The following AFF2 variants were observed in gnomAD, a reference collection of about 807,000 sequenced individuals.
AFF2 encodes the protein AF4/FMR2 family member 2.
AFF2 carries 14 observed loss-of-function variants against 76.9 expected under a neutral mutation model. The ratio of observed to expected loss-of-function variants is 0.18; its 90% CI spans 0.12 to 0.28. The LOEUF (loss-of-function observed/expected upper bound fraction) is 0.28. Ranked by LOEUF, AFF2 falls within the 10% of genes least tolerant of loss-of-function variation. The probability of loss-of-function intolerance (pLI) is 1.00; values close to 1 mark genes in which losing one functional copy is unlikely to be tolerated. For synonymous variants in AFF2, 398 were observed against 366.7 expected, an observed-to-expected ratio of 1.09 and a Z score of -0.98; for missense variants, 868 against 1,001.1, an observed-to-expected ratio of 0.87 and a Z score of 1.79.
chrX:148,740,705 G>C (rs2055340026), intron 3 of AFF2, among the ~76,000 whole-genome samples: 2 of 111,715 alleles, frequency 1.8e-5, no homozygotes, highest in South Asian at 7.5e-4. Flanking sequence ...TTTGATATTT[G>C]GGGGTGTTGA....
At chrX:148,689,245 G>T (rs1281141897) in intron 3 of AFF2, among the ~76,000 whole-genome samples, 1 of 111,156 alleles carries the variant, frequency 9.0e-6, no homozygotes, top group African/African-American at 3.3e-5. Flanking sequence ...GGCCCACTCT[G>T]ATTACCTTGT....
At chrX:148,774,433 A>T (rs1471755790) in intron 3 of AFF2, among the ~76,000 whole-genome samples, 1 of 111,273 alleles carries the variant, frequency 9.0e-6, no homozygotes, top group East Asian at 2.9e-4. Context: ...CACCCTATAG[A>T]TTCATACTGG....
chrX:148,667,308 G>A (rs1246657788), intron 3 of AFF2, among the ~76,000 whole-genome samples: 1 of 112,163 alleles, frequency 8.9e-6, no homozygotes, highest in East Asian at 2.8e-4. Flanking sequence ...GAGTTAGATA[G>A]TAAACTCAGG....
intron 7 of AFF2, among the ~76,000 whole-genome samples, chrX:148,861,159 T>A (rs1044334138): frequency 8.9e-6 from 1 of 111,762 alleles, no homozygotes; most frequent in African/African-American, 3.2e-5. Flanking sequence ...ATCTTCTAAT[T>A]GAAAATTGCG....
At chrX:148,647,734 G>C (rs1415960464) in intron 1 of AFF2, among the ~76,000 whole-genome samples, 1 of 111,262 alleles carries the variant, frequency 9.0e-6, no homozygotes, top group African/African-American at 3.3e-5. Flanking sequence ...CTGAGTTCCA[G>C]CCTCCTAGTT....
chrX:148,619,126 A>C (rs1480815530), intron 1 of AFF2, among the ~76,000 whole-genome samples: 1 of 111,355 alleles, frequency 9.0e-6, no homozygotes, highest in African/African-American at 3.3e-5. Flanking sequence ...AATCCCTCAA[A>C]CTGGCAGTTT....
chrX:148,834,421 GTC>G (rs2070494637), intron 4 of AFF2, among the ~76,000 whole-genome samples: 1 of 110,599 alleles, frequency 9.0e-6, no homozygotes, highest in Non-Finnish European at 1.9e-5. Flanking sequence ...CCTGCTTTCT[GTC>G]TCTCTCTGTC....
At chrX:148,673,487 CTCT>C (rs1378431492) in intron 3 of AFF2, among the ~76,000 whole-genome samples, 1 of 111,753 alleles carries the variant, frequency 8.9e-6, no homozygotes, top group Non-Finnish European at 1.9e-5. Flanking sequence ...TCTCTGTGTC[CTCT>C]TCTTCTAAGG....
intron 7 of AFF2, among the ~76,000 whole-genome samples, chrX:148,859,145 G>T (rs1156711876): frequency 9.5e-6 from 1 of 104,871 alleles, no homozygotes; most frequent in Non-Finnish European, 1.9e-5. Context: ...GAAAAAAATT[G>T]ATATGTAATG....
intron 1 of AFF2, among the ~76,000 whole-genome samples, chrX:148,530,849 A>C (rs1317176528): frequency 8.9e-6 from 1 of 111,870 alleles, no homozygotes; most frequent in East Asian, 2.8e-4. Flanking sequence ...TTGAAAGCTT[A>C]AGACCATCCT....
chrX:148,755,153 C>T (rs968968031), intron 3 of AFF2, among the ~76,000 whole-genome samples: 1 of 111,585 alleles, frequency 9.0e-6, no homozygotes, highest in Admixed American at 9.5e-5. Context: ...GCACTTATAC[C>T]AGAAACTCCC....
intron 15 of AFF2, among the ~76,000 whole-genome samples, chrX:148,971,861 G>A (rs1603351302): frequency 2.6e-5 from 1 of 38,004 alleles, no homozygotes; most frequent in East Asian, 7.7e-4. Context: ...CCATGCTGGT[G>A]CGCTGCACCC....
chrX:148,838,377 AG>A (rs1445258247), intron 5 of AFF2, among the ~76,000 whole-genome samples: 1 of 111,867 alleles, frequency 8.9e-6, no homozygotes, highest in East Asian at 2.8e-4. Flanking sequence ...TTTACTGAGA[AG>A]ATACAGTGGG....
At chrX:148,542,593 G>C (rs2052871737) in intron 1 of AFF2, among the ~76,000 whole-genome samples, 1 of 112,086 alleles carries the variant, frequency 8.9e-6, no homozygotes, top group Admixed American at 9.4e-5. Context: ...AAGAACTGAG[G>C]CTTGGCTGGC....
At chrX:148,764,478 G>C (rs1204113129) in intron 3 of AFF2, among the ~76,000 whole-genome samples, 2 of 112,229 alleles carry the variant, frequency 1.8e-5, no homozygotes, top group Non-Finnish European at 3.8e-5. Context: ...TTGCCTGTTT[G>C]TTGTTTGTTC....
At chrX:148,859,855 A>C (rs2070827601) in intron 7 of AFF2, among the ~76,000 whole-genome samples, 1 of 110,686 alleles carries the variant, frequency 9.0e-6, no homozygotes, top group African/African-American at 3.3e-5. Flanking sequence ...GTTCTAGGGT[A>C]CATGTGCACA....
chrX:148,933,898 A>G (rs2071743050), intron 9 of AFF2, among the ~76,000 whole-genome samples: 1 of 112,247 alleles, frequency 8.9e-6, no homozygotes, highest in Admixed American at 9.4e-5. Context: ...TACACTGACC[A>G]GTGCTTCCTC....
At chrX:148,983,751 C>T (rs1569558015) in intron 19 of AFF2, among the ~76,000 whole-genome samples, 1 of 108,940 alleles carries the variant, frequency 9.2e-6, no homozygotes, top group East Asian at 2.9e-4. Context: ...GTGTGAGACA[C>T]TCTGCCAGGC....
At chrX:148,603,632 TCCA>T (rs2053647469) in intron 1 of AFF2, among the ~76,000 whole-genome samples, 2 of 110,822 alleles carry the variant, frequency 1.8e-5, no homozygotes, top group East Asian at 5.7e-4. Flanking sequence ...GGATACTTTC[TCCA>T]GATGCAGTGA....
Sources: allele counts gnomAD v4.1 joint callset (sites outside exome capture counted in the v4.1 genomes callset), GRCh38; gene constraint gnomAD v4.1.1; transcripts MANE v1.5; gene names NCBI Gene and HGNC (gene_info 2026-07-23, HGNC 2026-07-21).